DGKB: variants seen among roughly 807,000 people sequenced by gnomAD.
DGKB encodes 90 kDa diacylglycerol kinase.
In DGKB, 67 loss-of-function variants were observed where a neutral mutation model predicts 114.3. The observed-to-expected ratio is 0.59, with a 90% confidence interval of 0.48 to 0.72. The LOEUF (loss-of-function observed/expected upper bound fraction) is 0.72, where lower values mean the gene tolerates loss of function less well. DGKB is among the 30% of genes least tolerant of loss of function. The pLI is 0.00. For synonymous variants in DGKB, 398 were observed against 323.1 expected (o/e 1.23, Z -2.49); for missense variants, 907 against 975.2 (o/e 0.93, Z 0.93).
intron 21 of DGKB, among the ~76,000 whole-genome samples, chr7:14,352,343 GTTAT>G (rs903000404): frequency 2.0e-5 from 3 of 152,022 alleles, no homozygotes; most frequent in South Asian, 2.1e-4. Flanking sequence ...AAAAAAAGTG[GTTAT>G]TTAAGTATTT....
At chr7:14,177,965 A>G in intron 24 of DGKB, 66 bp downstream of exon 24, 2 of 1,452,826 alleles carry the variant, frequency 1.4e-6, no homozygotes, top group Non-Finnish European at 1.8e-6. Flanking sequence ...AGAGTTCTGC[A>G]TACTTTTAAT....
At chr7:14,377,553 AGGT>A in intron 21 of DGKB, among the ~76,000 whole-genome samples, 1 of 152,212 alleles carries the variant, frequency 6.6e-6, no homozygotes, top group African/African-American at 2.4e-5. Flanking sequence ...CTTCTAGGAC[AGGT>A]ATGAAAACAC....
chr7:14,152,458 T>C (rs548500514), intron 25 of DGKB, among the ~76,000 whole-genome samples: 1 of 152,120 alleles, frequency 6.6e-6, no homozygotes, highest in Admixed American at 6.6e-5. Flanking sequence ...TAGAAGAGCA[T>C]TGCTTACAAC....
intron 5 of DGKB, among the ~76,000 whole-genome samples, chr7:14,720,534 G>T: frequency 2.1e-5 from 3 of 145,626 alleles, no homozygotes; most frequent in Non-Finnish European, 3.0e-5. Context: ...TAGTAGAGAT[G>T]GTGTTTCACC....
intron 13 of DGKB, among the ~76,000 whole-genome samples, chr7:14,661,955 A>G (rs1272268519): frequency 3.3e-5 from 5 of 152,246 alleles, no homozygotes; most frequent in South Asian, 2.1e-4. Flanking sequence ...TATCTCAAGA[A>G]CAAAAAACCA....
At chr7:14,688,303 T>C (rs1172271572) in intron 9 of DGKB, among the ~76,000 whole-genome samples, 1 of 152,230 alleles carries the variant, frequency 6.6e-6, no homozygotes, top group African/African-American at 2.4e-5. Flanking sequence ...GCTTGATTCC[T>C]AGCCTACTAT....
chr7:14,299,544 A>C (rs1277238487), intron 23 of DGKB, among the ~76,000 whole-genome samples: 1 of 152,192 alleles, frequency 6.6e-6, no homozygotes, highest in Non-Finnish European at 1.5e-5. Context: ...TGCTTCATGC[A>C]GACCAACAAG....
chr7:14,507,651 T>C (rs771125411), intron 20 of DGKB, among the ~76,000 whole-genome samples: 47 of 152,314 alleles, frequency 3.1e-4, no homozygotes, highest in Middle Eastern at 3.4e-3. Flanking sequence ...GGCCATATGT[T>C]GAACCAATGT....
intron 2 of DGKB, among the ~76,000 whole-genome samples, chr7:14,830,567 T>G (rs561230755): frequency 7.2e-5 from 11 of 152,194 alleles, no homozygotes; most frequent in African/African-American, 2.4e-4. Context: ...CTGACCTCAG[T>G]TTTGGGGTAT....
At chr7:14,309,786 G>A (rs1805068642) in intron 23 of DGKB, among the ~76,000 whole-genome samples, 1 of 152,106 alleles carries the variant, frequency 6.6e-6, no homozygotes, top group African/African-American at 2.4e-5. Flanking sequence ...GCACAACTGG[G>A]ACAAAGATGC....
At chr7:14,253,456 C>A (rs758722054) in intron 23 of DGKB, among the ~76,000 whole-genome samples, 1 of 152,250 alleles carries the variant, frequency 6.6e-6, no homozygotes, top group Middle Eastern at 3.4e-3. Context: ...GCTGTCTGGC[C>A]CAGGCTATTA....
intron 19 of DGKB, among the ~76,000 whole-genome samples, chr7:14,578,790 G>C (rs538609025): frequency 1.3e-5 from 2 of 152,160 alleles, no homozygotes; most frequent in Non-Finnish European, 2.9e-5. Flanking sequence ...TTTTGAAAAT[G>C]TGTCAGTGTG....
intron 2 of DGKB, among the ~76,000 whole-genome samples, chr7:14,824,398 C>T (rs760624181): frequency 5.9e-5 from 9 of 151,882 alleles, no homozygotes; most frequent in Middle Eastern, 3.4e-3. Context: ...GGACCTAGAA[C>T]GTGTAAGGGA....
intron 1 of DGKB, among the ~76,000 whole-genome samples, chr7:14,893,762 C>T (rs1781670936): frequency 6.6e-6 from 1 of 151,226 alleles, no homozygotes; most frequent in Non-Finnish European, 1.5e-5. Context: ...CTATTCTTCC[C>T]TCAAGATCTA....
At position 14,638,963 on chromosome 7, in the gene DGKB, G is replaced by A. The variant is rs191645166; in HGVS notation, c.1135-8695C>T. Among the ~76,000 whole-genome samples the A allele has an allele frequency of 1.4e-3, 217 of 152,140 alleles. No homozygotes were observed. The South Asian group carries it at 0.014, about 10-fold the overall frequency. On this transcript the variant is annotated intron_variant, in intron 13 of 25. Coordinates refer to ENST00000402815, the MANE Select transcript of DGKB (RefSeq NM_001350709.2). ...TGACCCAGGAGAATCGCTTGAACCC[G>A]GGAGGTGGAGGTTGCAGTGAGCTGA...
intron 1 of DGKB, among the ~76,000 whole-genome samples, chr7:14,962,636 T>TTGTGTGTG (rs71004348): frequency 0.013 from 1,784 of 142,010 alleles, 30 homozygotes; most frequent in African/African-American, 0.04. Flanking sequence ...GTGTGTGTGT[T>TTGTGTGTG]TGTGTGTGTG....
At chr7:14,675,679 A>G (rs2128955229) in intron 12 of DGKB, among the ~76,000 whole-genome samples, 1 of 151,626 alleles carries the variant, frequency 6.6e-6, no homozygotes, top group Admixed American at 6.6e-5. Flanking sequence ...GTCGTAAGGC[A>G]CTCCCCAAGA....
At chr7:14,363,096 G>A (rs940177604) in intron 21 of DGKB, among the ~76,000 whole-genome samples, 2 of 152,154 alleles carry the variant, frequency 1.3e-5, no homozygotes, top group South Asian at 2.1e-4. Context: ...GGGAGACACA[G>A]TATCCTGGCT....
chr7:14,926,457 C>T (rs2128249094), intron 1 of DGKB, among the ~76,000 whole-genome samples: 1 of 149,984 alleles, frequency 6.7e-6, no homozygotes, highest in Middle Eastern at 3.5e-3. Context: ...TTGGAATCTT[C>T]CTATTTTTTT....
Sources: allele counts gnomAD v4.1 joint callset (sites outside exome capture counted in the v4.1 genomes callset), GRCh38; gene constraint gnomAD v4.1.1; transcripts MANE v1.5; gene names NCBI Gene and HGNC (gene_info 2026-07-23, HGNC 2026-07-21).